SDCCAG8: variants seen among roughly 807,000 people sequenced by gnomAD.
SDCCAG8 encodes SHH signaling and ciliogenesis regulator SDCCAG8.
Under a neutral mutation model 101.8 loss-of-function variants are expected in SDCCAG8, and 74 were observed. That is an observed-to-expected ratio of 0.73 (90% confidence interval 0.60 to 0.88). SDCCAG8 has a LOEUF of 0.88. Among genes scored for constraint, SDCCAG8 ranks in the 40% least tolerant of loss-of-function variants. The probability of loss-of-function intolerance (pLI) is 0.00; values close to 1 mark genes in which losing one functional copy is unlikely to be tolerated. For missense variants in SDCCAG8, 787 were observed against 822.6 expected, an observed-to-expected ratio of 0.96 and a Z score of 0.53; for synonymous variants, 281 against 292.9, an observed-to-expected ratio of 0.96 and a Z score of 0.41.
At chr1:243,265,046 C>T (rs1257141400) in intron 1 of SDCCAG8, among the ~76,000 whole-genome samples, 1 of 152,136 alleles carries the variant, frequency 6.6e-6, no homozygotes, top group Non-Finnish European at 1.5e-5. Context: ...GGGAGTAGTG[C>T]TCTTAATAAG....
chr1:243,407,378 C>G (rs2079859543), intron 13 of SDCCAG8, among the ~76,000 whole-genome samples: 1 of 152,192 alleles, frequency 6.6e-6, no homozygotes. Context: ...TTCCATCTCT[C>G]TGCCCCACAG....
chr1:243,293,296 A>T, intron 6 of SDCCAG8, 77 bp downstream of exon 6: 2 of 1,435,656 alleles, frequency 1.4e-6, no homozygotes, highest in East Asian at 2.5e-5. Context: ...ATTCTGGTAA[A>T]ATATATATAA....
chr1:243,334,408 T>C (rs1181371132), intron 10 of SDCCAG8, among the ~76,000 whole-genome samples: 1 of 152,176 alleles, frequency 6.6e-6, no homozygotes, highest in East Asian at 1.9e-4. Flanking sequence ...TCTCCGGTCT[T>C]ATGTTCCTTC....
chr1:243,256,406 G>A (rs933718682), intron 1 of SDCCAG8, among the ~76,000 whole-genome samples, 166 bp downstream of exon 1: 2 of 152,210 alleles, frequency 1.3e-5, no homozygotes, highest in South Asian at 2.1e-4. Flanking sequence ...GTTTGATTTA[G>A]TTTTTACAGT....
intron 6 of SDCCAG8, among the ~76,000 whole-genome samples, chr1:243,294,450 C>T (rs1300952237): frequency 1.8e-5 from 2 of 110,402 alleles, no homozygotes; most frequent in Non-Finnish European, 4.2e-5. Context: ...TGAAAACAAA[C>T]ACCCTCCACT....
At chr1:243,363,595 G>A (rs574428458) in intron 12 of SDCCAG8, among the ~76,000 whole-genome samples, 33 of 152,238 alleles carry the variant, frequency 2.2e-4, no homozygotes, top group Admixed American at 8.5e-4. Context: ...ATTTTTTTGA[G>A]ATTTCTCCTA....
intron 7 of SDCCAG8, chr1:243,305,388 A>G (rs1307541484): frequency 6.6e-6 from 1 of 152,040 alleles, no homozygotes; most frequent in Non-Finnish European, 1.5e-5. Flanking sequence ...ATGAAAATAA[A>G]GCACTTTAGT....
At position 243,355,111 on chromosome 1, in the gene SDCCAG8, A is replaced by G. The variant is rs568822405; in HGVS notation, c.1473+10780A>G. Among the ~76,000 whole-genome samples the G allele has an allele frequency of 1.6e-4, 24 of 152,342 alleles. No individual in the cohort carries two copies. In the South Asian group the frequency reaches 3.9e-3, roughly 25 times the overall value. ...TATTACTCTTCTTAACAGATGGTCA[A>G]GTTAATTTAACTCTTTTTGGTGTTA... On this transcript the variant is annotated intron_variant, in intron 12 of 17. Coordinates refer to ENST00000366541, the MANE Select transcript of SDCCAG8 (RefSeq NM_006642.5).
chr1:243,420,313 C>T (rs1573942225), intron 15 of SDCCAG8, among the ~76,000 whole-genome samples: 1 of 152,324 alleles, frequency 6.6e-6, no homozygotes, highest in East Asian at 1.9e-4. Context: ...GATACGCATA[C>T]ATACACGTAT....
intron 11 of SDCCAG8, 40 bp downstream of exon 11, chr1:243,341,213 A>AAATG: frequency 6.2e-7 from 1 of 1,608,202 alleles, no homozygotes; most frequent in Non-Finnish European, 8.5e-7. Context: ...ACTTAAGGAA[A>AAATG]TATTTCCTTT....
At chr1:243,358,658 T>C (rs763456626) in intron 12 of SDCCAG8, among the ~76,000 whole-genome samples, 1 of 152,172 alleles carries the variant, frequency 6.6e-6, no homozygotes, top group Non-Finnish European at 1.5e-5. Flanking sequence ...TCTACACGGA[T>C]GTTCATAGCA....
intron 10 of SDCCAG8, among the ~76,000 whole-genome samples, chr1:243,337,360 A>G (rs985597759): frequency 7.2e-5 from 11 of 152,156 alleles, no homozygotes; most frequent in African/African-American, 2.7e-4. Context: ...GATACAATAC[A>G]TATCTGAGCT....
intron 13 of SDCCAG8, among the ~76,000 whole-genome samples, chr1:243,401,810 A>G (rs1444907732): frequency 6.6e-6 from 1 of 151,986 alleles, no homozygotes; most frequent in Non-Finnish European, 1.5e-5. Flanking sequence ...TTAGTGTTCT[A>G]TCAGAATTCT....
chr1:243,316,779 A>G lies in SDCCAG8; in HGVS notation c.954A>G (p.Ala318=), dbSNP rs750272621. The change falls in exon 9 of 18, where the codon GCA becomes GCG. Residue 318 remains alanine (A), a synonymous_variant. Transcript: ENST00000366541. ...LVKERDDLMS[A]LVSVRSSLAD... is the part of the protein sequence containing the mutation. ...GAGAAAGAGATGACTTGATGTCTGC[A>G]CTAGTTTCCGTAAGGAGCAGCTTGG... The G allele has an allele frequency of 2.5e-6, 4 of 1,614,102 alleles. No homozygotes were observed. Among genetic ancestry groups the G allele is most frequent in the Middle Eastern group, 3.3e-4 (2 of 6,084 alleles).
chr1:243,467,977 T>G (rs1660466954), intron 16 of SDCCAG8, among the ~76,000 whole-genome samples: 1 of 152,214 alleles, frequency 6.6e-6, no homozygotes, highest in Non-Finnish European at 1.5e-5. Flanking sequence ...CAAAACTTCC[T>G]TATCAAATGC....
At chr1:243,374,309 G>GA (rs1333349490) in intron 12 of SDCCAG8, among the ~76,000 whole-genome samples, 3 of 151,740 alleles carry the variant, frequency 2.0e-5, no homozygotes, top group East Asian at 1.9e-4. Flanking sequence ...TCCTCAAACT[G>GA]AAAAAAATAA....
At chr1:243,479,491 C>G (rs1261193230) in intron 16 of SDCCAG8, among the ~76,000 whole-genome samples, 1 of 152,170 alleles carries the variant, frequency 6.6e-6, no homozygotes, top group African/African-American at 2.4e-5. Context: ...TATTTAGGGG[C>G]GCTGCAAGTT....
intron 8 of SDCCAG8, among the ~76,000 whole-genome samples, chr1:243,308,467 A>G (rs1370221119): frequency 2.6e-5 from 4 of 152,258 alleles, no homozygotes; most frequent in African/African-American, 4.8e-5. Context: ...ACAGTTCTTT[A>G]CGATTCTGTC....
intron 13 of SDCCAG8, among the ~76,000 whole-genome samples, chr1:243,384,522 TAACA>T (rs1558391131): frequency 6.6e-6 from 1 of 152,120 alleles, no homozygotes; most frequent in Non-Finnish European, 1.5e-5. Context: ...ATAATCATTC[TAACA>T]AACAATGCAA....
Sources: gnomAD v4.1 joint callset for allele counts (sites outside exome capture counted in the v4.1 genomes callset) on GRCh38, gnomAD v4.1.1 for gene constraint, MANE v1.5 for transcripts, NCBI Gene and HGNC (gene_info 2026-07-23, HGNC 2026-07-21) for gene names.